Variants in GNA14 observed in about 807,000 individuals in gnomAD.
GNA14 encodes the protein G protein subunit alpha 14.
Under a neutral mutation model 42.0 loss-of-function variants are expected in GNA14, and 50 were observed. That is an observed-to-expected ratio of 1.19 (90% CI 0.95 to 1.51). The LOEUF (loss-of-function observed/expected upper bound fraction) is 1.51, where lower values mean the gene tolerates loss of function less well. Among genes scored for constraint, GNA14 ranks in the 40% most tolerant of loss-of-function variants. GNA14 has a pLI of 0.00. For missense variants in GNA14, 473 were observed against 446.2 expected (o/e 1.06, Z -0.54); for synonymous variants, 173 against 163.1 (o/e 1.06, Z -0.46).
At chr9:77,455,973 C>A (rs542611258) in intron 2 of GNA14, among the ~76,000 whole-genome samples, 1 of 152,252 alleles carries the variant, frequency 6.6e-6, no homozygotes, top group East Asian at 1.9e-4. Context: ...TTAAGGTAGA[C>A]AGTCTTATAA....
chr9:77,508,280 T>G (rs1721222927), intron 2 of GNA14, among the ~76,000 whole-genome samples: 1 of 152,202 alleles, frequency 6.6e-6, no homozygotes, highest in Non-Finnish European at 1.5e-5. Flanking sequence ...TTTAAAAAAA[T>G]GATTTGTGGC....
rs1587804828 is a variant in GNA14, at chr9:77,504,658, G to GA, written c.309+24410dup. 3.1e-5 allele frequency among the ~76,000 whole-genome samples: 4 copies of GA among 129,882 alleles called. No individual in the cohort carries two copies. In the East Asian group the frequency reaches 1.0e-3, roughly 34 times the overall value. 85.2% of individuals were successfully genotyped at this position (129,882 alleles called of 152,430 possible). On this transcript the variant is annotated intron_variant, in intron 2 of 6. Transcript: ENST00000341700. Reference sequence around the variant, plus strand: ...GAGCCATGGTTCTAGAAGTCTGGCCGACTTTTTTTTTTTTTTTTTTTTTTT... The same window carrying GA: ...GAGCCATGGTTCTAGAAGTCTGGCCGAACTTTTTTTTTTTTTTTTTTTTTTT...
At chr9:77,483,224 G>A (rs1276477969) in intron 2 of GNA14, among the ~76,000 whole-genome samples, 1 of 152,170 alleles carries the variant, frequency 6.6e-6, no homozygotes, top group Non-Finnish European at 1.5e-5. Flanking sequence ...ACGTACAGAT[G>A]GGTTTTTGGT....
chr9:77,587,911 C>T (rs1225207625), intron 1 of GNA14, among the ~76,000 whole-genome samples: 1 of 152,172 alleles, frequency 6.6e-6, no homozygotes, highest in African/African-American at 2.4e-5. Flanking sequence ...CTTCTGGAGG[C>T]TCTAAGGGAG....
At chr9:77,578,985 C>T (rs1823173350) in intron 1 of GNA14, among the ~76,000 whole-genome samples, 1 of 152,166 alleles carries the variant, frequency 6.6e-6, no homozygotes, top group Non-Finnish European at 1.5e-5. Context: ...GTGATGCTGG[C>T]TATGACATCT....
intron 1 of GNA14, among the ~76,000 whole-genome samples, chr9:77,546,799 T>C (rs1469403063): frequency 6.6e-6 from 1 of 151,724 alleles, no homozygotes; most frequent in Non-Finnish European, 1.5e-5. Flanking sequence ...AAGATGTCTC[T>C]CTATTTGTGG....
chr9:77,591,917 G>T (rs542226883), intron 1 of GNA14, among the ~76,000 whole-genome samples: 15 of 96,310 alleles, frequency 1.6e-4, no homozygotes, highest in Admixed American at 7.3e-4. Flanking sequence ...TTTGTTTTTT[G>T]GTTTTTTTTT....
chr9:77,615,832 CA>C (rs1258306073), intron 1 of GNA14, among the ~76,000 whole-genome samples: 2 of 150,340 alleles, frequency 1.3e-5, no homozygotes, highest in African/African-American at 5.0e-5. Flanking sequence ...ACAGAATCAT[CA>C]GTTCTTTTGG....
At chr9:77,624,949 A>G (rs1190094831) in intron 1 of GNA14, among the ~76,000 whole-genome samples, 2 of 152,026 alleles carry the variant, frequency 1.3e-5, no homozygotes, top group African/African-American at 4.8e-5. Context: ...GGTAATAACA[A>G]ACTCCTCCGA....
At chr9:77,541,196 T>C (rs1004826549) in intron 1 of GNA14, among the ~76,000 whole-genome samples, 1 of 152,190 alleles carries the variant, frequency 6.6e-6, no homozygotes, top group Non-Finnish European at 1.5e-5. Flanking sequence ...TAGGACTTCT[T>C]TGTGCCTTTC....
intron 1 of GNA14, among the ~76,000 whole-genome samples, chr9:77,587,390 G>T (rs1279691321): frequency 2.0e-5 from 3 of 152,130 alleles, no homozygotes; most frequent in Non-Finnish European, 4.4e-5. Context: ...CCAAAATGTA[G>T]AAACAGCCCA....
chr9:77,646,722 T>C (rs1223054944), intron 1 of GNA14, among the ~76,000 whole-genome samples: 1 of 152,192 alleles, frequency 6.6e-6, no homozygotes, highest in Non-Finnish European at 1.5e-5. Context: ...TGACAGCTGA[T>C]ATCATGGTCT....
At chr9:77,557,310 G>T (rs967006768) in intron 1 of GNA14, among the ~76,000 whole-genome samples, 1 of 152,328 alleles carries the variant, frequency 6.6e-6, no homozygotes, top group Admixed American at 6.5e-5. Context: ...AGGCTATGGT[G>T]AATTGCCAGA....
Position 77,553,701 on chromosome 9 carries a change from C to CGCGG in GNA14, c.125-24449_125-24448insCCGC, listed in dbSNP as rs1837812577. On this transcript the variant is annotated intron_variant, in intron 1 of 6. Transcript: ENST00000341700. ...CATTCCCACTTATTTGTGTGCACAGCAAGATGAAGAATTATATGACAGCTT... is the reference window on the plus strand; with the variant it reads ...CATTCCCACTTATTTGTGTGCACAGCGCGGAAGATGAAGAATTATATGACAGCTT... Among the ~76,000 whole-genome samples, 3 of 151,998 alleles carry CGCGG rather than the reference C, an allele frequency of 2.0e-5. No individual in the cohort carries two copies. The East Asian group carries it at 6.0e-4, about 30-fold the overall frequency.
intron 2 of GNA14, among the ~76,000 whole-genome samples, chr9:77,486,238 G>A (rs1441557189): frequency 6.6e-6 from 1 of 152,140 alleles, no homozygotes; most frequent in Non-Finnish European, 1.5e-5. Context: ...TTACAGAGAT[G>A]GCTTCTTTCC....
chr9:77,638,921 T>G (rs569449541), intron 1 of GNA14, among the ~76,000 whole-genome samples: 1 of 152,190 alleles, frequency 6.6e-6, no homozygotes, highest in African/African-American at 2.4e-5. Context: ...GAAATTTTCA[T>G]AGCCCTGTAG....
chr9:77,631,942 G>A (rs1243945409), intron 1 of GNA14, among the ~76,000 whole-genome samples: 1 of 152,146 alleles, frequency 6.6e-6, no homozygotes, highest in Non-Finnish European at 1.5e-5. Flanking sequence ...AGCTGCCTGG[G>A]TGCTGCAGCA....
intron 4 of GNA14, among the ~76,000 whole-genome samples, chr9:77,430,329 C>A (rs893836282): frequency 4.6e-5 from 7 of 152,216 alleles, no homozygotes; most frequent in African/African-American, 1.7e-4. Context: ...AAAACCCATT[C>A]ATCGCAGTCC....
At chr9:77,628,574 A>T (rs12801405) in intron 1 of GNA14, among the ~76,000 whole-genome samples, 1 of 152,212 alleles carries the variant, frequency 6.6e-6, no homozygotes, top group African/African-American at 2.4e-5. Flanking sequence ...AAGCCTCAGG[A>T]CTAACACTAC....
Sources: gnomAD v4.1 joint callset for allele counts (sites outside exome capture counted in the v4.1 genomes callset) on GRCh38, gnomAD v4.1.1 for gene constraint, MANE v1.5 for transcripts, NCBI Gene and HGNC (gene_info 2026-07-23, HGNC 2026-07-21) for gene names.